AKT1: variants seen among roughly 807,000 people sequenced by gnomAD.
AKT1 encodes AKT serine/threonine kinase 1.
AKT1 carries 21 observed loss-of-function variants against 63.1 expected under a neutral mutation model. That is an observed-to-expected ratio of 0.33 (90% CI 0.24 to 0.48). AKT1 has a LOEUF of 0.48. AKT1 is among the 20% of genes least tolerant of loss of function. AKT1 has a pLI of 0.99. For synonymous variants in AKT1, 257 were observed against 253.1 expected (o/e 1.02, Z -0.15); for missense variants, 382 against 666.0 (o/e 0.57, Z 4.69).
chr14:104,770,240 C>G lies in AKT1; in HGVS notation c.*101G>C, dbSNP rs1892300288. 7.4e-7 allele frequency: 1 copy of G among 1,356,622 alleles called. No individual in the cohort carries two copies. Among genetic ancestry groups the G allele is most frequent in the Non-Finnish European group, 1.0e-6 (1 of 983,062 alleles). 84.0% of individuals were successfully genotyped at this position (1,356,622 alleles called of 1,614,324 possible). A position where few individuals can be genotyped will look rare whatever the true frequency, so the allele number is the denominator to read the frequency against. On this transcript the variant is annotated 3_prime_UTR_variant, in exon 15 of 15. Transcript: ENST00000649815. Reference sequence around the variant, plus strand: ...GGCTCGAGAGGACAGCGTGGCTTCTCTCAAATGCACCCGAGAAATAAAAAC... The same window carrying G: ...GGCTCGAGAGGACAGCGTGGCTTCTGTCAAATGCACCCGAGAAATAAAAAC...
intron 4 of AKT1, chr14:104,778,649 C>T (rs1217272083): frequency 1.3e-5 from 2 of 152,338 alleles, no homozygotes; most frequent in Non-Finnish European, 2.9e-5. Flanking sequence ...CAGACTGACC[C>T]CACCTCCCCT....
At chr14:104,778,084 C>G (rs1892836698) in intron 4 of AKT1, 1 of 152,662 alleles carries the variant, frequency 6.6e-6, no homozygotes, top group African/African-American at 2.4e-5. Context: ...AGGCCACTCA[C>G]CTATGGCCTA....
intron 11 of AKT1, 51 bp from the exon 12 acceptor site, chr14:104,773,143 A>G (rs776477466): frequency 1.9e-6 from 3 of 1,611,406 alleles, no homozygotes; most frequent in Non-Finnish European, 2.5e-6. Flanking sequence ...TGTCCGGGAC[A>G]CTGCCGGGGG....
chr14:104,785,062 G>A lies in AKT1; in HGVS notation c.47-4846C>T, dbSNP rs36214915. ...GCAAAGTGAGCCCAGCAGGCCCTGGGAGCGGGCGCCAGCTGACAGCGGCCA... is the reference window on the plus strand; with the variant it reads ...GCAAAGTGAGCCCAGCAGGCCCTGGAAGCGGGCGCCAGCTGACAGCGGCCA... On this transcript the variant is annotated intron_variant, in intron 3 of 14. Coordinates refer to ENST00000649815, the MANE Select transcript of AKT1 (RefSeq NM_001382430.1). Among the ~76,000 whole-genome samples, 1,478 of 152,320 alleles carry A rather than the reference G, an allele frequency of 9.7e-3. 20 individuals carry two copies. Among genetic ancestry groups the A allele is most frequent in the South Asian group, 0.033 (158 of 4,824 alleles).
rs113847884 is a variant in AKT1, at chr14:104,782,878, G to C, written c.47-2662C>G. 7.9e-5 allele frequency among the ~76,000 whole-genome samples: 12 copies of C among 152,298 alleles called. 2 individuals are homozygous for C. The highest frequency in any genetic ancestry group is 2.6e-4 in the African/African-American group (11 of 41,568). On this transcript the variant is annotated intron_variant, in intron 3 of 14. Transcript: ENST00000649815. ...CATCTCTCGCCTAGAGGGTCAGCTA[G>C]AGGATCACTTGGGGGGGTGCCAGCT... is the stretch of plus-strand genomic sequence containing the variant.
chr14:104,789,869 G>T (rs747847454), intron 3 of AKT1, among the ~76,000 whole-genome samples: 20 of 152,150 alleles, frequency 1.3e-4, no homozygotes, highest in Admixed American at 3.3e-4. Flanking sequence ...CCAGCCACAG[G>T]TCCACACAGG....
At chr14:104,775,526 C>T (rs1450464982) in intron 6 of AKT1, 126 bp downstream of exon 6, 18 of 1,361,874 alleles carry the variant, frequency 1.3e-5, no homozygotes, top group African/African-American at 1.5e-5. Flanking sequence ...CATGGAAAAC[C>T]GGCCTAGGTG....
intron 2 of AKT1, 165 bp downstream of exon 2, chr14:104,792,962 C>G (rs1893704437): frequency 1.9e-6 from 1 of 526,214 alleles, no homozygotes; most frequent in Non-Finnish European, 3.4e-6. Context: ...TTCCCTGGAC[C>G]TGGGCCTCTC....
intron 3 of AKT1, among the ~76,000 whole-genome samples, chr14:104,791,054 G>A (rs1893603315): frequency 1.3e-5 from 2 of 152,198 alleles, no homozygotes; most frequent in Admixed American, 1.3e-4. Context: ...TGGCCTCGGG[G>A]GAGCACTCCT....
chr14:104,780,289 C>G (rs1892959894), intron 3 of AKT1, 73 bp from the exon 4 acceptor site: 1 of 1,574,080 alleles, frequency 6.4e-7, no homozygotes, highest in Non-Finnish European at 8.6e-7. Context: ...CAGGCAGGAA[C>G]TGGGTGTGCC....
intron 14 of AKT1, 26 bp downstream of exon 14, chr14:104,770,719 G>A (rs768444367): frequency 3.8e-6 from 6 of 1,592,438 alleles, no homozygotes; most frequent in Non-Finnish European, 3.4e-6. Context: ...AAAGGGAGTG[G>A]GCGGGGGCAG....
chr14:104,773,697 A>G (rs749939663), intron 9 of AKT1, 117 bp from the exon 10 acceptor site: 25 of 1,443,878 alleles, frequency 1.7e-5, no homozygotes, highest in Non-Finnish European at 2.3e-5. Flanking sequence ...ACCAGCCACC[A>G]GAGGGCACGG....
rs768660759 is a variant in AKT1 at position 104,772,411 on chromosome 14, T to G, written c.1214A>C (p.His405Pro). Residue 405 changes from histidine to proline, a missense_variant, in exon 13 of 15, where the codon CAT becomes CCT. By Grantham distance (77) the His-to-Pro change is moderately conservative. This residue lies in a region of AKT1 where 90 missense variants were observed against 120.5 expected (regional missense o/e 0.75). Transcript: ENST00000649815. ...CCACACGATACCGGCAAAGAAGCGATGCTGCATGATCTCCTTGGCGTCCTC... is the reference window on the plus strand; with the variant it reads ...CCACACGATACCGGCAAAGAAGCGAGGCTGCATGATCTCCTTGGCGTCCTC... ...GSEDAKEIMQ[H>P]RFFAGIVWQH... 1 of 1,613,788 alleles carries G rather than the reference T, an allele frequency of 6.2e-7. No individual in the cohort carries two copies. Among genetic ancestry groups the G allele is most frequent in the Non-Finnish European group, 8.5e-7 (1 of 1,180,038 alleles).
intron 8 of AKT1, 57 bp downstream of exon 8, chr14:104,774,881 G>GC: frequency 6.4e-7 from 1 of 1,554,352 alleles, no homozygotes; most frequent in Non-Finnish European, 8.7e-7. Context: ...CCTAGAGACA[G>GC]CCCCAGGAGT....
intron 3 of AKT1, among the ~76,000 whole-genome samples, chr14:104,782,059 G>A (rs1050326440): frequency 7.9e-5 from 12 of 152,110 alleles, no homozygotes; most frequent in East Asian, 5.8e-4. Context: ...TACGTGCCAC[G>A]CAGCTCCACC....
intron 3 of AKT1, among the ~76,000 whole-genome samples, chr14:104,787,726 G>A (rs1293045588): frequency 2.0e-5 from 3 of 152,166 alleles, no homozygotes; most frequent in East Asian, 1.9e-4. Context: ...TTCCCTTCCC[G>A]GAGTCCAGCC....
At chr14:104,777,603 T>C in intron 4 of AKT1, 2 of 996,706 alleles carry the variant, frequency 2.0e-6, no homozygotes, top group Non-Finnish European at 2.4e-6. Flanking sequence ...ACGTACACCC[T>C]GAGGGCTGTG....
rs569822867 is a variant in AKT1 at position 104,776,816 on chromosome 14, C to T, written c.176-46G>A. The T allele has an allele frequency of 5.2e-6, 8 of 1,543,372 alleles. No homozygotes were observed. The South Asian group carries it at 9.1e-5, about 18-fold the overall frequency. On this transcript the variant is annotated intron_variant, in intron 4 of 14. Coordinates refer to ENST00000649815, the MANE Select transcript of AKT1 (RefSeq NM_001382430.1). ...TGTCTGCGTGCATCCCCCTGCCCCT[C>T]CCAGGGCCCTCACCACAGCCCCCGC...
chr14:104,781,010 C>T (rs1893005566), intron 3 of AKT1, among the ~76,000 whole-genome samples: 2 of 152,224 alleles, frequency 1.3e-5, no homozygotes, highest in African/African-American at 4.8e-5. Flanking sequence ...ACCCGTGGGT[C>T]ATTCAGGTAC....
Sources: gnomAD v4.1 joint callset for allele counts (sites outside exome capture counted in the v4.1 genomes callset) on GRCh38, gnomAD v4.1.1 for gene constraint, gnomAD v4.1.1 regional missense constraint, MANE v1.5 for transcripts, NCBI Gene and HGNC (gene_info 2026-07-23, HGNC 2026-07-21) for gene names.